Variants in ROBO2 observed in about 807,000 individuals in gnomAD.
The protein encoded by ROBO2 is roundabout homolog 2.
Under a neutral mutation model 160.8 loss-of-function variants are expected in ROBO2, and 53 were observed. The ratio of observed to expected loss-of-function variants is 0.33; its 90% CI spans 0.26 to 0.41. ROBO2 has a LOEUF of 0.41. Ranked by LOEUF, ROBO2 falls within the 10% of genes least tolerant of loss-of-function variation. ROBO2 has a pLI of 1.00. For synonymous variants in ROBO2, 664 were observed against 611.7 expected (o/e 1.09, Z -1.26); for missense variants, 1,577 against 1,722.4 (o/e 0.92, Z 1.49).
intron 2 of ROBO2, among the ~76,000 whole-genome samples, chr3:76,180,376 C>T (rs1481989223): frequency 2.0e-5 from 3 of 152,224 alleles, no homozygotes; most frequent in Non-Finnish European, 2.9e-5. Flanking sequence ...TATCCAACTG[C>T]TTAATTTGAT....
At chr3:77,588,932 T>C in exon 17 of ROBO2, 14 of 1,613,208 alleles carry the variant, frequency 8.7e-6, no homozygotes, top group African/African-American at 1.3e-5. Context: ...GTAATTATGC[T>C]GGTAAGTGAC....
At chr3:77,560,478 C>G (rs746252028) in intron 9 of ROBO2, among the ~76,000 whole-genome samples, 7 of 152,022 alleles carry the variant, frequency 4.6e-5, no homozygotes, top group Non-Finnish European at 7.4e-5. Context: ...AAACGTTGTT[C>G]TTTTCCTGTA....
intron 2 of ROBO2, among the ~76,000 whole-genome samples, chr3:77,235,427 A>G (rs1465633098): frequency 1.3e-5 from 2 of 150,824 alleles, no homozygotes; most frequent in Non-Finnish European, 2.9e-5. Context: ...ATCTCGACTC[A>G]CTGCAAGCTC....
At chr3:76,599,980 C>G (rs866068090) in intron 2 of ROBO2, among the ~76,000 whole-genome samples, 1 of 152,054 alleles carries the variant, frequency 6.6e-6, no homozygotes, top group African/African-American at 2.4e-5. Flanking sequence ...ATAGTTTCTC[C>G]CATTCTGTAG....
intron 2 of ROBO2, among the ~76,000 whole-genome samples, chr3:76,885,265 A>G (rs1370996066): frequency 6.6e-6 from 1 of 152,192 alleles, no homozygotes; most frequent in Non-Finnish European, 1.5e-5. Flanking sequence ...TTAAATTTGA[A>G]TAAAATTTAA....
intron 2 of ROBO2, among the ~76,000 whole-genome samples, chr3:76,361,843 A>G (rs2075541110): frequency 6.6e-6 from 1 of 152,112 alleles, no homozygotes; most frequent in African/African-American, 2.4e-5. Context: ...AAAGGCTGAC[A>G]TTCTTTCTGA....
intron 1 of ROBO2, among the ~76,000 whole-genome samples, chr3:75,929,829 G>A (rs2106923848): frequency 6.6e-6 from 1 of 152,038 alleles, no homozygotes; most frequent in Non-Finnish European, 1.5e-5. Context: ...TGAATAACTG[G>A]GATTACAGGT....
At chr3:76,353,590 T>C (rs138192621) in intron 2 of ROBO2, among the ~76,000 whole-genome samples, 52 of 151,984 alleles carry the variant, frequency 3.4e-4, no homozygotes, top group African/African-American at 1.1e-3. Context: ...CAGACATCAA[T>C]AGGTGTTAGC....
intron 2 of ROBO2, among the ~76,000 whole-genome samples, chr3:77,410,708 CTCCTCCTCT>C (rs1358119758): frequency 1.3e-5 from 2 of 148,630 alleles, no homozygotes; most frequent in Non-Finnish European, 3.0e-5. Flanking sequence ...CTTCCTCCTC[CTCCTCCTCT>C]TCCTCCTCCT....
At chr3:76,561,889 T>C (rs2084206027) in intron 2 of ROBO2, among the ~76,000 whole-genome samples, 1 of 152,178 alleles carries the variant, frequency 6.6e-6, no homozygotes, top group Admixed American at 6.6e-5. Flanking sequence ...CAATCCTCAC[T>C]TCCCTTCATT....
In ROBO2 at chr3:77,565,135, T is replaced by C. The variant is rs770007839; in HGVS notation, c.1849+15T>C. ...GCGCACACAAGGTACTTTCAACAGC[T>C]GTCAACAAGACTGGTTCTAGGCAGA... On this transcript the variant is annotated intron_variant, in intron 12 of 25. Transcript: ENST00000461745. The C allele has an allele frequency of 2.9e-5, 47 of 1,613,204 alleles. No individual in the cohort carries two copies. Among genetic ancestry groups the C allele is most frequent in the Non-Finnish European group, 3.6e-5 (43 of 1,179,490 alleles).
chr3:76,708,948 G>A (rs140326922), intron 2 of ROBO2, among the ~76,000 whole-genome samples: 37 of 152,292 alleles, frequency 2.4e-4, no homozygotes, highest in Non-Finnish European at 4.4e-4. Flanking sequence ...CTGGGACAGT[G>A]GGAGTCAGGA....
Position 76,205,883 on chromosome 3 carries a change from G to T in ROBO2, c.109+268281G>T, listed in dbSNP as rs1034070071. Among the ~76,000 whole-genome samples the T allele has an allele frequency of 4.6e-5, 7 of 152,142 alleles. No homozygotes were observed. In the South Asian group the frequency reaches 8.3e-4, roughly 18 times the overall value. On this transcript the variant is annotated intron_variant, in intron 2 of 26. Coordinates refer to the ROBO2 transcript ENST00000487694. ...TTCAGGGGTGACACACTAGCATCTG[G>T]CTATACAAGCACAGCTAACAACCAT...
At chr3:76,324,767 T>G (rs1458625604) in intron 2 of ROBO2, among the ~76,000 whole-genome samples, 1 of 152,178 alleles carries the variant, frequency 6.6e-6, no homozygotes, top group Non-Finnish European at 1.5e-5. Context: ...CTTTACTACA[T>G]GCAATTTCTC....
chr3:77,362,132 G>A (rs1174277011), intron 2 of ROBO2, among the ~76,000 whole-genome samples: 1 of 152,140 alleles, frequency 6.6e-6, no homozygotes, highest in Non-Finnish European at 1.5e-5. Flanking sequence ...TTTCCCTGAA[G>A]AAGTGAAATT....
At chr3:76,085,103 A>G (rs2068962667) in intron 2 of ROBO2, among the ~76,000 whole-genome samples, 1 of 28,236 alleles carries the variant, frequency 3.5e-5, no homozygotes, top group Non-Finnish European at 7.5e-5. Flanking sequence ...CCCAGTTTAC[A>G]TATATATATA....
At chr3:77,616,495 A>AT (rs1205999044) in intron 21 of ROBO2, among the ~76,000 whole-genome samples, 1 of 152,146 alleles carries the variant, frequency 6.6e-6, no homozygotes, top group Non-Finnish European at 1.5e-5. Flanking sequence ...GAAGATGATG[A>AT]TACCGGAAGA....
chr3:76,329,051 C>G (rs939705392), intron 2 of ROBO2, among the ~76,000 whole-genome samples: 1 of 151,742 alleles, frequency 6.6e-6, no homozygotes, highest in Non-Finnish European at 1.5e-5. Context: ...CCAAAGGAGG[C>G]AACAGCTCAA....
chr3:77,360,507 A>AT (rs2069804760), intron 2 of ROBO2, among the ~76,000 whole-genome samples: 1 of 152,146 alleles, frequency 6.6e-6, no homozygotes, highest in African/African-American at 2.4e-5. Context: ...CCTTGGGCTT[A>AT]TACAGATAAT....
Sources: gnomAD v4.1 joint callset for allele counts (sites outside exome capture counted in the v4.1 genomes callset) on GRCh38, gnomAD v4.1.1 for gene constraint, MANE v1.5 for transcripts, NCBI Gene and HGNC (gene_info 2026-07-23, HGNC 2026-07-21) for gene names.